Variants in PTPRD observed in about 807,000 individuals in gnomAD.
The protein encoded by PTPRD is receptor-type tyrosine-protein phosphatase delta.
A neutral mutation model predicts 214.5 loss-of-function variants in PTPRD; 34 were observed. The observed-to-expected ratio is 0.16, with a 90% confidence interval of 0.12 to 0.21. The LOEUF (loss-of-function observed/expected upper bound fraction) is 0.21, where lower values mean the gene tolerates loss of function less well. PTPRD is among the 10% of genes least tolerant of loss of function. The pLI is 1.00. For synonymous variants in PTPRD, 1,128 were observed against 845.7 expected (o/e 1.33, Z -5.79); for missense variants, 2,545 against 2,398.7 (o/e 1.06, Z -1.27).
chr9:9,481,542 T>C (rs2095415680), intron 8 of PTPRD, among the ~76,000 whole-genome samples: 2 of 152,154 alleles, frequency 1.3e-5, no homozygotes, highest in South Asian at 2.1e-4. Flanking sequence ...TTTTAATTTA[T>C]TTAAAATCAG....
At chr9:8,501,326 G>T (rs1042402164) in intron 23 of PTPRD, among the ~76,000 whole-genome samples, 3 of 152,062 alleles carry the variant, frequency 2.0e-5, no homozygotes, top group African/African-American at 7.2e-5. Context: ...CGAGATAATG[G>T]AGCCTCAAAT....
intron 10 of PTPRD, among the ~76,000 whole-genome samples, chr9:9,158,908 T>C (rs576271075): frequency 6.6e-6 from 1 of 152,220 alleles, no homozygotes; most frequent in African/African-American, 2.4e-5. Context: ...TTCAACATAA[T>C]GCAAATCAAT....
chr9:8,354,381 G>C (rs1271883999), intron 39 of PTPRD, among the ~76,000 whole-genome samples: 2 of 152,102 alleles, frequency 1.3e-5, no homozygotes, highest in East Asian at 3.9e-4. Context: ...TGTCCTACAA[G>C]ATGGACGAAA....
At chr9:9,795,742 C>T (rs573313572) in intron 5 of PTPRD, among the ~76,000 whole-genome samples, 6 of 151,898 alleles carry the variant, frequency 4.0e-5, no homozygotes, top group Non-Finnish European at 7.4e-5. Context: ...TATGAAGTTG[C>T]ATGGTTTATG....
intron 10 of PTPRD, among the ~76,000 whole-genome samples, chr9:9,106,553 C>T (rs1008811881): frequency 6.8e-6 from 1 of 147,330 alleles, no homozygotes; most frequent in Admixed American, 6.9e-5. Flanking sequence ...AGAGAAGCTC[C>T]CACAAAAGGC....
chr9:10,107,250 C>T (rs186270039), intron 3 of PTPRD, among the ~76,000 whole-genome samples: 2 of 151,932 alleles, frequency 1.3e-5, no homozygotes, highest in African/African-American at 4.8e-5. Context: ...TTGTGGCCAG[C>T]AACATTGTAG....
At chr9:8,355,253 A>G (rs554522223) in intron 39 of PTPRD, among the ~76,000 whole-genome samples, 7 of 152,230 alleles carry the variant, frequency 4.6e-5, no homozygotes, top group African/African-American at 1.7e-4. Context: ...GCCTTCCACC[A>G]AACTTCCTGG....
intron 39 of PTPRD, among the ~76,000 whole-genome samples, chr9:8,345,760 C>T (rs889371629): frequency 3.3e-5 from 5 of 152,086 alleles, no homozygotes; most frequent in Non-Finnish European, 7.4e-5. Context: ...CTCTAAATGT[C>T]ATCTTCAGAA....
At chr9:9,789,356 T>C (rs564654771) in intron 5 of PTPRD, among the ~76,000 whole-genome samples, 159 of 152,310 alleles carry the variant, frequency 1.0e-3, no homozygotes, top group African/African-American at 3.6e-3. Flanking sequence ...GTGCACTGGA[T>C]GTCACATAAG....
At chr9:9,853,404 T>C (rs377488547) in intron 5 of PTPRD, among the ~76,000 whole-genome samples, 1 of 152,206 alleles carries the variant, frequency 6.6e-6, no homozygotes, top group Non-Finnish European at 1.5e-5. Context: ...TTCAGGACCA[T>C]ATGAAAACAG....
intron 10 of PTPRD, among the ~76,000 whole-genome samples, chr9:9,026,254 C>G (rs1300495458): frequency 6.6e-6 from 1 of 151,896 alleles, no homozygotes; most frequent in Non-Finnish European, 1.5e-5. Flanking sequence ...CAGGGACCAG[C>G]TTTAGTGCTT....
At chr9:8,408,751 C>G (rs1475722722) in intron 35 of PTPRD, among the ~76,000 whole-genome samples, 1 of 152,100 alleles carries the variant, frequency 6.6e-6, no homozygotes, top group African/African-American at 2.4e-5. Flanking sequence ...TGCCTGCACA[C>G]TGGGCACTTG....
At chr9:10,299,497 G>A (rs2095796605) in intron 3 of PTPRD, among the ~76,000 whole-genome samples, 1 of 152,148 alleles carries the variant, frequency 6.6e-6, no homozygotes, top group African/African-American at 2.4e-5. Flanking sequence ...TGAATGTGCA[G>A]ATCTTTCTAG....
intron 8 of PTPRD, among the ~76,000 whole-genome samples, chr9:9,479,864 G>C (rs917878680): frequency 1.3e-5 from 2 of 152,110 alleles, no homozygotes; most frequent in Admixed American, 6.6e-5. Context: ...TTCTAATGAA[G>C]ATGGCTGCAG....
intron 5 of PTPRD, among the ~76,000 whole-genome samples, chr9:9,831,296 T>C (rs1187225229): frequency 6.6e-6 from 1 of 151,976 alleles, no homozygotes; most frequent in East Asian, 1.9e-4. Flanking sequence ...TTAAAGCATC[T>C]CCTATCTCTT....
At chr9:10,420,245 T>A (rs2098533723) in intron 2 of PTPRD, among the ~76,000 whole-genome samples, 1 of 151,932 alleles carries the variant, frequency 6.6e-6, no homozygotes, top group Non-Finnish European at 1.5e-5. Context: ...GGAATTAACA[T>A]TGAGTTTACT....
At chr9:8,790,229 T>G (rs2154506150) in intron 11 of PTPRD, among the ~76,000 whole-genome samples, 1 of 152,178 alleles carries the variant, frequency 6.6e-6, no homozygotes, top group Non-Finnish European at 1.5e-5. Flanking sequence ...TTGCCCAGAC[T>G]GGTCTCCAAC....
intron 26 of PTPRD, among the ~76,000 whole-genome samples, chr9:8,496,213 C>CACACAA (rs2097267290): frequency 3.9e-5 from 5 of 128,188 alleles, no homozygotes; most frequent in African/African-American, 1.3e-4. Context: ...CACACACAAA[C>CACACAA]ACACACACAC....
chr9:8,601,018 G>T (rs866039476), intron 14 of PTPRD, among the ~76,000 whole-genome samples: 25 of 152,106 alleles, frequency 1.6e-4, no homozygotes, highest in African/African-American at 5.8e-4. Context: ...CCAAAGAGCT[G>T]ATCGCCTTGA....
Sources: allele counts gnomAD v4.1 joint callset (sites outside exome capture counted in the v4.1 genomes callset), GRCh38; gene constraint gnomAD v4.1.1; transcripts MANE v1.5; gene names NCBI Gene and HGNC (gene_info 2026-07-23, HGNC 2026-07-21).